The following SLC12A2 variants were observed in gnomAD, a reference collection of about 807,000 sequenced individuals.
The protein encoded by SLC12A2 is solute carrier family 12 member 2.
SLC12A2 carries 67 observed loss-of-function variants against 136.3 expected under a neutral mutation model. The observed-to-expected ratio is 0.49, with a 90% CI of 0.40 to 0.60. The LOEUF is 0.60. Among genes scored for constraint, SLC12A2 ranks in the 20% least tolerant of loss-of-function variants. SLC12A2 has a pLI of 0.00. For missense variants in SLC12A2, 1,322 were observed against 1,534.7 expected (o/e 0.86, Z 2.32); for synonymous variants, 619 against 562.9 (o/e 1.10, Z -1.41).
chr5:128,171,662 C>A lies in SLC12A2; in HGVS notation c.2724-5C>A. The A allele has an allele frequency of 6.5e-7, 1 of 1,533,248 alleles. No homozygotes were observed. Among genetic ancestry groups the A allele is most frequent in the Non-Finnish European group, 8.7e-7 (1 of 1,145,956 alleles). The allele number at this position is 1,533,248 out of a possible 1,614,324, so 95.0% of individuals were successfully genotyped here. A position where few individuals can be genotyped will look rare whatever the true frequency, so the allele number is the denominator to read the frequency against. ...TTTTTTCATTTTTTGTTTTTTTGTT[C>A]TTAGTGATGCTTTTGACATACAATA... On this transcript the variant is annotated splice_region_variant and splice_polypyrimidine_tract_variant and intron_variant, in intron 18 of 26. Coordinates refer to ENST00000262461, the MANE Select transcript of SLC12A2 (RefSeq NM_001046.3).
chr5:128,133,989 A>G (rs111361480), intron 5 of SLC12A2, among the ~76,000 whole-genome samples, 176 bp from the exon 6 acceptor site: 4 of 151,968 alleles, frequency 2.6e-5, no homozygotes, highest in African/African-American at 7.2e-5. Flanking sequence ...AATGACTAAC[A>G]CCTCAGTGGT....
chr5:128,125,308 G>C (rs1761746803), intron 4 of SLC12A2, among the ~76,000 whole-genome samples: 1 of 152,172 alleles, frequency 6.6e-6, no homozygotes, highest in Non-Finnish European at 1.5e-5. Flanking sequence ...GAGAAGTTTA[G>C]TACCAGGATT....
intron 26 of SLC12A2, among the ~76,000 whole-genome samples, chr5:128,185,939 G>T (rs1763852348): frequency 6.6e-6 from 1 of 152,094 alleles, no homozygotes; most frequent in Admixed American, 6.5e-5. Context: ...AGCTGGGCAT[G>T]GTGGTGTGCA....
chr5:128,114,448 T>C, intron 3 of SLC12A2, 138 bp from the exon 4 acceptor site: 1 of 837,490 alleles, frequency 1.2e-6, no homozygotes, highest in Non-Finnish European at 1.9e-6. Context: ...TCTGATTTGG[T>C]TTTTATAAAA....
chr5:128,112,435 A>T (rs77640923), intron 1 of SLC12A2, among the ~76,000 whole-genome samples: 1 of 152,192 alleles, frequency 6.6e-6, no homozygotes, highest in Non-Finnish European at 1.5e-5. Context: ...CAGATGTAGG[A>T]CTGGTGGCAA....
chr5:128,103,491 T>C (rs1760818155), intron 1 of SLC12A2, among the ~76,000 whole-genome samples: 1 of 152,204 alleles, frequency 6.6e-6, no homozygotes. Flanking sequence ...ATATCTTTGA[T>C]AAAAATGACA....
In SLC12A2 at chr5:128,083,846, ACT is replaced by A. The variant is rs1759892346; in HGVS notation, c.-103_-102del. The stretch of plus-strand genomic sequence containing the variant: ...CGGCCCGCAGGCGGCGGGGAGAAAG[ACT>A]CTCTCACCTGGTCTTGCGGCTGTGG... On this transcript the variant is annotated 5_prime_UTR_variant, in exon 1 of 27. Transcript: ENST00000262461. The A allele has an allele frequency of 3.7e-6, 3 of 814,072 alleles. No individual in the cohort carries two copies. The highest frequency in any genetic ancestry group is 6.4e-5 in the South Asian group (1 of 15,588). 50.4% of individuals were successfully genotyped at this position (814,072 alleles called of 1,614,324 possible).
chr5:128,137,508 A>T (rs1257099798), intron 7 of SLC12A2, among the ~76,000 whole-genome samples: 1 of 152,190 alleles, frequency 6.6e-6, no homozygotes, highest in Admixed American at 6.5e-5. Flanking sequence ...TTCCATCAGA[A>T]CATTTACTGC....
chr5:128,083,775 C>A lies in SLC12A2; in HGVS notation c.-180C>A. On this transcript the variant is annotated 5_prime_UTR_variant, in exon 1 of 27. Coordinates refer to ENST00000262461, the MANE Select transcript of SLC12A2 (RefSeq NM_001046.3). The stretch of plus-strand genomic sequence containing the variant: ...CCGCCCCGCGCCCGCCACACTCGCG[C>A]GCTCGCTCGGCTGCCGGTGGCCTCT... The A allele has an allele frequency of 2.5e-6, 1 of 399,148 alleles. No homozygotes were observed. The highest frequency in any genetic ancestry group is 4.2e-6 in the Non-Finnish European group (1 of 237,136). The allele number at this position is 399,148 out of a possible 1,614,324, so 24.7% of individuals were successfully genotyped here. A position where few individuals can be genotyped will look rare whatever the true frequency, so the allele number is the denominator to read the frequency against.
At chr5:128,090,270 A>G (rs1450979537) in intron 1 of SLC12A2, among the ~76,000 whole-genome samples, 1 of 152,176 alleles carries the variant, frequency 6.6e-6, no homozygotes, top group Non-Finnish European at 1.5e-5. Context: ...GTAGCAAAAA[A>G]TCAGTACACT....
intron 10 of SLC12A2, among the ~76,000 whole-genome samples, chr5:128,144,613 T>G (rs1302627850): frequency 6.6e-6 from 1 of 152,192 alleles, no homozygotes; most frequent in Non-Finnish European, 1.5e-5. Context: ...TTAGTCTAAA[T>G]CAGTCAGAGC....
At chr5:128,159,831 G>A (rs1035837423) in intron 16 of SLC12A2, among the ~76,000 whole-genome samples, 7 of 152,146 alleles carry the variant, frequency 4.6e-5, no homozygotes, top group African/African-American at 1.7e-4. Flanking sequence ...ACAGCGTGGC[G>A]ATTCCTCAAG....
chr5:128,120,853 G>A (rs1230723565), intron 4 of SLC12A2, among the ~76,000 whole-genome samples: 1 of 151,648 alleles, frequency 6.6e-6, no homozygotes, highest in East Asian at 1.9e-4. Context: ...AAAACTTAAA[G>A]TATAATAATA....
At chr5:128,167,377 G>A (rs73784522) in intron 17 of SLC12A2, among the ~76,000 whole-genome samples, 1 of 152,066 alleles carries the variant, frequency 6.6e-6, no homozygotes, top group African/African-American at 2.4e-5. Flanking sequence ...GCATTCATTT[G>A]GACTTTTGTT....
chr5:128,136,193 T>A (rs896445851), intron 7 of SLC12A2, among the ~76,000 whole-genome samples: 2 of 152,170 alleles, frequency 1.3e-5, no homozygotes, highest in African/African-American at 2.4e-5. Context: ...AAAGCAATTA[T>A]TGGTATAATT....
chr5:128,126,964 ATATT>A (rs1313341940), intron 4 of SLC12A2, among the ~76,000 whole-genome samples: 1 of 21,684 alleles, frequency 4.6e-5, no homozygotes, highest in African/African-American at 3.2e-4. Context: ...ATATATATAT[ATATT>A]TTTTTTTTTT....
chr5:128,098,048 G>T (rs944421580), intron 1 of SLC12A2, among the ~76,000 whole-genome samples: 3 of 152,026 alleles, frequency 2.0e-5, no homozygotes, highest in Non-Finnish European at 2.9e-5. Context: ...TAGGAAGTCA[G>T]CCAACTGTGT....
Position 128,186,571 on chromosome 5 carries a change from C to T in SLC12A2, c.3579C>T (p.Asp1193=). The T allele has an allele frequency of 2.5e-6, 4 of 1,613,498 alleles. No individual in the cohort carries two copies. In the South Asian group the frequency reaches 4.4e-5, roughly 18 times the overall value. Residue 1193 remains aspartate (D), a synonymous_variant, in exon 27 of 27, where the codon GAC becomes GAT. Coordinates refer to ENST00000262461, the MANE Select transcript of SLC12A2 (RefSeq NM_001046.3). ...YMAWLEALSK[D]LPPILLVRGN... is the part of the protein sequence containing the mutation. ...CATGGTTAGAAGCTCTATCTAAGGA[C>T]CTACCACCAATCCTCCTAGTTCGTG...
At chr5:128,110,470 C>T in intron 1 of SLC12A2, 1 of 1,347,250 alleles carries the variant, frequency 7.4e-7, no homozygotes, top group South Asian at 1.2e-5. Context: ...ACACCCTGAA[C>T]TCATAGACGC....
Sources: allele counts gnomAD v4.1 joint callset (sites outside exome capture counted in the v4.1 genomes callset), GRCh38; gene constraint gnomAD v4.1.1; transcripts MANE v1.5; gene names NCBI Gene and HGNC (gene_info 2026-07-23, HGNC 2026-07-21).